GPR158: variants seen among roughly 807,000 people sequenced by gnomAD.
The protein encoded by GPR158 is metabotropic glycine receptor.
A neutral mutation model predicts 78.2 loss-of-function variants in GPR158; 30 were observed. The observed-to-expected ratio is 0.38, with a 90% CI of 0.29 to 0.52. GPR158 has a LOEUF of 0.52. Among genes scored for constraint, GPR158 ranks in the 20% least tolerant of loss-of-function variants. GPR158 has a pLI of 0.83. For missense variants in GPR158, 1,463 were observed against 1,523.5 expected (o/e 0.96, Z 0.66); for synonymous variants, 581 against 591.1 (o/e 0.98, Z 0.25).
Position 25,223,484 on chromosome 10 carries a change from A to C in GPR158, c.1008+2327A>C, listed in dbSNP as rs1853329962. On this transcript the variant is annotated intron_variant, in intron 2 of 10. Transcript: ENST00000376351. Reference sequence around the variant, plus strand: ...TGTGCTGGTCACTCTAGGTACCTGCAACAGTTTTGGACCACATCCTCAGTG... The same window carrying C: ...TGTGCTGGTCACTCTAGGTACCTGCCACAGTTTTGGACCACATCCTCAGTG... Among the ~76,000 whole-genome samples the C allele has an allele frequency of 2.0e-5, 3 of 152,166 alleles. No individual in the cohort carries two copies. In the South Asian group the frequency reaches 6.2e-4, roughly 31 times the overall value.
At chr10:25,555,079 G>A (rs1003956764) in intron 6 of GPR158, among the ~76,000 whole-genome samples, 3 of 151,898 alleles carry the variant, frequency 2.0e-5, no homozygotes, top group African/African-American at 7.2e-5. Flanking sequence ...GAGGAAGGAA[G>A]GAAAGAAGGA....
chr10:25,379,265 G>T (rs1046774899), intron 2 of GPR158, among the ~76,000 whole-genome samples: 2 of 151,908 alleles, frequency 1.3e-5, no homozygotes, highest in Non-Finnish European at 2.9e-5. Context: ...TGTAATTTGA[G>T]ATTGAATGTC....
At chr10:25,368,200 T>A (rs1011219939) in intron 2 of GPR158, among the ~76,000 whole-genome samples, 17 of 151,994 alleles carry the variant, frequency 1.1e-4, no homozygotes, top group African/African-American at 3.9e-4. Flanking sequence ...TTCTCCAGTT[T>A]TGTGGAGTTA....
chr10:25,595,536 T>A (rs1337872863), intron 9 of GPR158, among the ~76,000 whole-genome samples: 2 of 152,188 alleles, frequency 1.3e-5, no homozygotes, highest in Admixed American at 1.3e-4. Flanking sequence ...AAACAACATG[T>A]GGTATATCCA....
intron 2 of GPR158, among the ~76,000 whole-genome samples, chr10:25,349,120 A>T (rs1855418278): frequency 6.6e-6 from 1 of 152,040 alleles, no homozygotes. Context: ...GGTCGTCAGC[A>T]GGGCTGGTTA....
At chr10:25,265,757 A>G (rs1465980584) in intron 2 of GPR158, among the ~76,000 whole-genome samples, 1 of 152,100 alleles carries the variant, frequency 6.6e-6, no homozygotes, top group African/African-American at 2.4e-5. Context: ...TAGATGGAAT[A>G]TTTTGCCAGA....
At chr10:25,419,885 C>T (rs1834723050) in intron 4 of GPR158, among the ~76,000 whole-genome samples, 1 of 152,082 alleles carries the variant, frequency 6.6e-6, no homozygotes, top group African/African-American at 2.4e-5. Flanking sequence ...TGATGTTGTA[C>T]ATTCTGTGAC....
At chr10:25,230,735 T>C (rs2130694702) in intron 2 of GPR158, among the ~76,000 whole-genome samples, 1 of 152,290 alleles carries the variant, frequency 6.6e-6, no homozygotes, top group African/African-American at 2.4e-5. Flanking sequence ...TGGAACTTTT[T>C]AATAATCAGA....
chr10:25,190,239 A>G lies in GPR158; in HGVS notation c.902+13917A>G, dbSNP rs1588726239. Among the ~76,000 whole-genome samples the G allele has an allele frequency of 2.0e-5, 3 of 152,284 alleles. No individual in the cohort carries two copies. The South Asian group carries it at 6.2e-4, about 32-fold the overall frequency. ...AATATTCCGTTTGCCATTTTAACTT[A>G]TTGATTCAACTAGAAGTTGTTCAGA... is the stretch of plus-strand genomic sequence containing the variant. On this transcript the variant is annotated intron_variant, in intron 1 of 10. Coordinates refer to ENST00000376351, the MANE Select transcript of GPR158 (RefSeq NM_020752.3).
At chr10:25,579,207 T>A (rs1009834907) in intron 7 of GPR158, among the ~76,000 whole-genome samples, 47 of 152,046 alleles carry the variant, frequency 3.1e-4, no homozygotes, top group African/African-American at 1.0e-3. Flanking sequence ...CAGTCAATTG[T>A]CCATGTTCAG....
rs1432466256 is a variant in GPR158, at chr10:25,550,979, G to A, written c.1408G>A (p.Val470Ile). 2 of 1,559,918 alleles carry A rather than the reference G, an allele frequency of 1.3e-6. No homozygotes were observed. The highest frequency in any genetic ancestry group is 1.7e-5 in the Admixed American group (1 of 59,876). ...TCTTTCTGTTTTCATCCCACAGGTT[G>A]TTATTTTGTACTTTGAGCCAAGCAC... The part of the protein sequence containing the change: ...FGSLLLYFPV[V>I]ILYFEPSTFR... Residue 470 changes from valine (V) to isoleucine (I), a missense_variant, in exon 6 of 11, where the codon GTT becomes ATT. Transcript: ENST00000376351.
At chr10:25,540,113 C>T (rs1331438198) in intron 5 of GPR158, among the ~76,000 whole-genome samples, 1 of 151,980 alleles carries the variant, frequency 6.6e-6, no homozygotes, top group Non-Finnish European at 1.5e-5. Flanking sequence ...AGAAACAACC[C>T]CATCAATAAG....
intron 2 of GPR158, among the ~76,000 whole-genome samples, chr10:25,278,272 A>G (rs1854214511): frequency 6.6e-6 from 1 of 152,202 alleles, no homozygotes; most frequent in Non-Finnish European, 1.5e-5. Flanking sequence ...ATGAATGTGT[A>G]GAAATAAAAA....
At chr10:25,218,781 C>T (rs538633350) in intron 1 of GPR158, among the ~76,000 whole-genome samples, 2 of 152,138 alleles carry the variant, frequency 1.3e-5, no homozygotes, top group Non-Finnish European at 2.9e-5. Flanking sequence ...TTTATCCTGA[C>T]CACCCTTTAA....
intron 6 of GPR158, among the ~76,000 whole-genome samples, chr10:25,554,877 A>T (rs914305986): frequency 2.6e-5 from 4 of 152,112 alleles, no homozygotes; most frequent in African/African-American, 9.7e-5. Context: ...ATTGCCTTAA[A>T]TTCTCACAGA....
chr10:25,424,376 T>C (rs539920200), intron 4 of GPR158, among the ~76,000 whole-genome samples: 32 of 152,306 alleles, frequency 2.1e-4, no homozygotes, highest in African/African-American at 5.8e-4. Flanking sequence ...GTGCAGAAGC[T>C]CTTTAGTTTA....
chr10:25,451,174 AG>A, intron 4 of GPR158, among the ~76,000 whole-genome samples: 1 of 152,194 alleles, frequency 6.6e-6, no homozygotes, highest in Non-Finnish European at 1.5e-5. Context: ...TAGTGCTTTA[AG>A]ATAAGCCCCC....
At chr10:25,345,110 C>T (rs1855355732) in intron 2 of GPR158, among the ~76,000 whole-genome samples, 1 of 151,984 alleles carries the variant, frequency 6.6e-6, no homozygotes, top group South Asian at 2.1e-4. Context: ...CACAGCAGTT[C>T]ATTTGCCAAG....
intron 2 of GPR158, among the ~76,000 whole-genome samples, chr10:25,332,718 C>T (rs1014262375): frequency 6.6e-6 from 1 of 152,140 alleles, no homozygotes; most frequent in Non-Finnish European, 1.5e-5. Flanking sequence ...AAATAATAAG[C>T]TGATTTAACT....
Sources: gnomAD v4.1 joint callset for allele counts (sites outside exome capture counted in the v4.1 genomes callset) on GRCh38, gnomAD v4.1.1 for gene constraint, MANE v1.5 for transcripts, NCBI Gene and HGNC (gene_info 2026-07-23, HGNC 2026-07-21) for gene names.